ANTXR2: variants seen among roughly 807,000 people sequenced by gnomAD.
The protein encoded by ANTXR2 is anthrax toxin receptor 2.
ANTXR2 carries 44 observed loss-of-function variants against 73.7 expected under a neutral mutation model. The observed-to-expected ratio is 0.60, with a 90% CI of 0.47 to 0.77. The LOEUF (loss-of-function observed/expected upper bound fraction) is 0.77. ANTXR2 is among the 30% of genes least tolerant of loss of function. The pLI, the probability that ANTXR2 is intolerant of heterozygous loss-of-function variation, is 0.00. For missense variants in ANTXR2, 604 were observed against 592.5 expected (o/e 1.02, Z -0.20); for synonymous variants, 217 against 205.9 (o/e 1.05, Z -0.46).
chr4:79,952,403 G>A (rs546183370), intron 16 of ANTXR2, among the ~76,000 whole-genome samples: 3 of 151,338 alleles, frequency 2.0e-5, no homozygotes, highest in Non-Finnish European at 4.4e-5. Context: ...GTATTCACTA[G>A]ATTTTTTAAA....
chr4:79,925,761 C>T (rs1308468582), intron 16 of ANTXR2, among the ~76,000 whole-genome samples: 1 of 152,070 alleles, frequency 6.6e-6, no homozygotes, highest in African/African-American at 2.4e-5. Flanking sequence ...CCACTGAGTA[C>T]TATCAGTGTA....
At chr4:80,018,250 C>T (rs764934764) in intron 11 of ANTXR2, among the ~76,000 whole-genome samples, 2 of 152,042 alleles carry the variant, frequency 1.3e-5, no homozygotes, top group East Asian at 3.9e-4. Flanking sequence ...TAGTGCTGCC[C>T]GTTTCCACGT....
chr4:80,025,311 C>T (rs1317684365), intron 10 of ANTXR2, among the ~76,000 whole-genome samples: 2 of 152,076 alleles, frequency 1.3e-5, no homozygotes, highest in Admixed American at 1.3e-4. Context: ...TGGCTCAGTG[C>T]CATATGTCAT....
At chr4:79,975,953 C>T (rs999834736) in intron 16 of ANTXR2, among the ~76,000 whole-genome samples, 32 of 142,260 alleles carry the variant, frequency 2.2e-4, no homozygotes, top group African/African-American at 7.8e-4. Flanking sequence ...CTCTCTGTCG[C>T]CCAGGCTGGA....
chr4:80,047,807 A>C (rs759398609), intron 7 of ANTXR2, among the ~76,000 whole-genome samples: 1 of 151,710 alleles, frequency 6.6e-6, no homozygotes, highest in Non-Finnish European at 1.5e-5. Context: ...CCCTGACAAC[A>C]TGATTGATTC....
At chr4:79,920,645 A>G (rs1221404514) in intron 16 of ANTXR2, among the ~76,000 whole-genome samples, 9 of 152,148 alleles carry the variant, frequency 5.9e-5, no homozygotes, top group African/African-American at 2.2e-4. Flanking sequence ...CAGACAGATA[A>G]TGTGGCAGGA....
chr4:80,000,494 T>C (rs181667611), intron 12 of ANTXR2, among the ~76,000 whole-genome samples: 51 of 152,178 alleles, frequency 3.4e-4, no homozygotes, highest in Non-Finnish European at 6.6e-4. Context: ...CCATGCAACA[T>C]GCCTGGTTTA....
intron 16 of ANTXR2, among the ~76,000 whole-genome samples, chr4:79,934,186 C>T (rs1339581822): frequency 7.2e-5 from 11 of 152,118 alleles, no homozygotes; most frequent in South Asian, 2.1e-4. Context: ...ACCATCAATG[C>T]TTTTGAATAG....
chr4:79,982,045 C>T (rs958319816), intron 14 of ANTXR2, among the ~76,000 whole-genome samples: 1 of 152,128 alleles, frequency 6.6e-6, no homozygotes, highest in African/African-American at 2.4e-5. Flanking sequence ...CTCACTCACA[C>T]ATTTCCTTTC....
At chr4:80,022,201 T>C (rs1732196890) in intron 10 of ANTXR2, among the ~76,000 whole-genome samples, 1 of 152,242 alleles carries the variant, frequency 6.6e-6, no homozygotes, top group African/African-American at 2.4e-5. Context: ...TTCTAGCTTT[T>C]TACTACATTC....
chr4:80,019,603 G>A (rs931772576), intron 10 of ANTXR2, among the ~76,000 whole-genome samples: 3 of 152,124 alleles, frequency 2.0e-5, no homozygotes, highest in Non-Finnish European at 2.9e-5. Flanking sequence ...ATCCCATTTA[G>A]CCTATTTCTC....
At chr4:79,982,021 G>A (rs1179345564) in intron 14 of ANTXR2, among the ~76,000 whole-genome samples, 1 of 152,032 alleles carries the variant, frequency 6.6e-6, no homozygotes. Flanking sequence ...TTTAACTCAG[G>A]ACCCATTCAG....
chr4:79,979,185 G>A (rs1729776369), intron 14 of ANTXR2, among the ~76,000 whole-genome samples: 1 of 152,066 alleles, frequency 6.6e-6, no homozygotes, highest in Admixed American at 6.6e-5. Context: ...TTTTTCAATA[G>A]ACAGAAATTA....
chr4:79,950,210 C>T (rs1187981280), intron 16 of ANTXR2, among the ~76,000 whole-genome samples: 1 of 152,156 alleles, frequency 6.6e-6, no homozygotes, highest in African/African-American at 2.4e-5. Context: ...TATTCATATT[C>T]TTTCTGCAGT....
intron 11 of ANTXR2, among the ~76,000 whole-genome samples, chr4:80,012,877 T>G (rs572674960): frequency 6.6e-6 from 1 of 152,350 alleles, no homozygotes; most frequent in Admixed American, 6.5e-5. Flanking sequence ...CACTGAATGT[T>G]GGAGGTATCT....
chr4:79,978,258 T>A, intron 14 of ANTXR2, 84 bp from the exon 15 acceptor site: 1 of 1,306,668 alleles, frequency 7.7e-7, no homozygotes, highest in Non-Finnish European at 1.0e-6. Context: ...GTCCTTTAGT[T>A]CACATCTCAG....
intron 7 of ANTXR2, among the ~76,000 whole-genome samples, chr4:80,044,105 C>T (rs2110095924): frequency 6.6e-6 from 1 of 151,940 alleles, no homozygotes; most frequent in East Asian, 1.9e-4. Context: ...TCTTGCTTGC[C>T]TATATGGTTA....
intron 7 of ANTXR2, 107 bp downstream of exon 7, chr4:80,054,165 C>G: frequency 3.6e-6 from 3 of 828,314 alleles, no homozygotes; most frequent in South Asian, 3.6e-5. Context: ...TCCTTAATCT[C>G]TTTCCTCTAG....
At chr4:79,925,485 T>G (rs182143625) in intron 16 of ANTXR2, among the ~76,000 whole-genome samples, 6 of 152,212 alleles carry the variant, frequency 3.9e-5, no homozygotes, top group African/African-American at 1.4e-4. Flanking sequence ...AATGTATTAC[T>G]TTATAGTAAC....
Sources: gnomAD v4.1 joint callset for allele counts (sites outside exome capture counted in the v4.1 genomes callset) on GRCh38, gnomAD v4.1.1 for gene constraint, MANE v1.5 for transcripts, NCBI Gene and HGNC (gene_info 2026-07-23, HGNC 2026-07-21) for gene names.